Variants in RASSF5 observed in about 807,000 individuals in gnomAD.
RASSF5 encodes the protein ras association domain-containing protein 5.
A neutral mutation model predicts 40.5 loss-of-function variants in RASSF5; 25 were observed. The ratio of observed to expected loss-of-function variants is 0.62; its 90% confidence interval spans 0.45 to 0.86. RASSF5 has a LOEUF of 0.86. Among genes scored for constraint, RASSF5 ranks in the 40% least tolerant of loss-of-function variants. RASSF5 has a pLI of 0.00. For synonymous variants in RASSF5, 246 were observed against 252.4 expected, an observed-to-expected ratio of 0.97 and a Z score of 0.24; for missense variants, 521 against 572.8, an observed-to-expected ratio of 0.91 and a Z score of 0.92.
chr1:206,528,323 C>G (rs1412391993), intron 1 of RASSF5, among the ~76,000 whole-genome samples: 1 of 151,958 alleles, frequency 6.6e-6, no homozygotes, highest in Non-Finnish European at 1.5e-5. Context: ...GGCTACGTAT[C>G]TTATGATTCC....
Position 206,583,297 on chromosome 1 carries a change from A to G in RASSF5, c.608A>G (p.Gln203Arg), listed in dbSNP as rs1668968006. The G allele has an allele frequency of 1.9e-6, 3 of 1,613,590 alleles. No homozygotes were observed. In the East Asian group the frequency reaches 6.7e-5, roughly 36 times the overall value. Reference sequence around the variant, plus strand: ...GTCTGTAAACCTGTGGAGGAGACACAGCGCCCGCCCACACTGCAGGAGATC... The same window carrying G: ...GTCTGTAAACCTGTGGAGGAGACACGGCGCCCGCCCACACTGCAGGAGATC... ...QNVCKPVEET[Q>R]RPPTLQEIKQ... The change falls in exon 3 of 6, where the codon CAG becomes CGG. Residue 203 changes from glutamine (Q) to arginine (R), a missense_variant. By Grantham distance (43) the Gln-to-Arg change is conservative. Around this residue, in one of 2 missense-constraint regions of RASSF5, gnomAD observed 284 missense variants for 360.8 expected, o/e 0.79. Transcript: ENST00000579436.
chr1:206,549,862 G>A (rs1055668488), intron 2 of RASSF5, among the ~76,000 whole-genome samples: 1 of 152,072 alleles, frequency 6.6e-6, no homozygotes, highest in South Asian at 2.1e-4. Flanking sequence ...GGCAGACACT[G>A]TTACCTGTAA....
intron 2 of RASSF5, among the ~76,000 whole-genome samples, chr1:206,545,381 A>T (rs1161657094): frequency 1.5e-5 from 2 of 137,612 alleles, no homozygotes; most frequent in Non-Finnish European, 3.1e-5. Flanking sequence ...ACAGGGTCTC[A>T]CTCTTTTCAC....
intron 2 of RASSF5, among the ~76,000 whole-genome samples, chr1:206,568,148 G>A (rs1553403659): frequency 1.3e-5 from 2 of 152,180 alleles, no homozygotes. Flanking sequence ...GGCCATTTAG[G>A]GGACAGAGGA....
chr1:206,524,841 T>C (rs1218636434), intron 1 of RASSF5, among the ~76,000 whole-genome samples: 7 of 151,240 alleles, frequency 4.6e-5, no homozygotes, highest in African/African-American at 1.5e-4. Context: ...TACATTTGTT[T>C]ATAATACACA....
At chr1:206,551,462 G>A (rs1667838771) in intron 2 of RASSF5, among the ~76,000 whole-genome samples, 1 of 152,154 alleles carries the variant, frequency 6.6e-6, no homozygotes, top group Non-Finnish European at 1.5e-5. Flanking sequence ...ACAGACTCCT[G>A]CCACACTTTA....
chr1:206,548,752 C>A (rs1667761165), intron 2 of RASSF5, among the ~76,000 whole-genome samples: 1 of 152,134 alleles, frequency 6.6e-6, no homozygotes, highest in East Asian at 1.9e-4. Flanking sequence ...TATTTTCATA[C>A]CCCCCCACTC....
intron 3 of RASSF5, chr1:206,583,767 C>T (rs987606726): frequency 4.6e-6 from 1 of 215,080 alleles, no homozygotes; most frequent in East Asian, 1.3e-4. Context: ...GGGACATACT[C>T]TCTCAGAGAG....
chr1:206,562,309 A>G (rs536584429), intron 2 of RASSF5, among the ~76,000 whole-genome samples: 1 of 152,202 alleles, frequency 6.6e-6, no homozygotes, highest in South Asian at 2.1e-4. Flanking sequence ...GCCCCTCACC[A>G]CCTCGGCATG....
At chr1:206,528,406 G>A (rs1445416674) in intron 1 of RASSF5, among the ~76,000 whole-genome samples, 1 of 152,170 alleles carries the variant, frequency 6.6e-6, no homozygotes, top group Non-Finnish European at 1.5e-5. Context: ...GGGTTAGAGA[G>A]GAAGAAGGGA....
At chr1:206,521,533 T>A (rs1166596114) in intron 1 of RASSF5, among the ~76,000 whole-genome samples, 1 of 152,188 alleles carries the variant, frequency 6.6e-6, no homozygotes, top group Non-Finnish European at 1.5e-5. Flanking sequence ...TCATCTGCCA[T>A]CTTGCAGTTT....
At chr1:206,512,577 G>A (rs1666645922) in intron 1 of RASSF5, among the ~76,000 whole-genome samples, 1 of 152,162 alleles carries the variant, frequency 6.6e-6, no homozygotes, top group Non-Finnish European at 1.5e-5. Context: ...AGCACTGAGG[G>A]TTTGGTCTGA....
chr1:206,571,260 T>A (rs1668438862), intron 2 of RASSF5: 1 of 149,544 alleles, frequency 6.7e-6, no homozygotes, highest in East Asian at 2.0e-4. Flanking sequence ...TCTGTTCATG[T>A]CCATTGTCTA....
intron 5 of RASSF5, 68 bp downstream of exon 5, chr1:206,585,363 C>T (rs1669070826): frequency 8.9e-7 from 1 of 1,124,490 alleles, no homozygotes; most frequent in Admixed American, 1.7e-5. Flanking sequence ...TGGGTGTTGT[C>T]CTAACTACCT....
intron 2 of RASSF5, among the ~76,000 whole-genome samples, chr1:206,567,130 AC>A (rs34715244): frequency 6.6e-6 from 1 of 152,032 alleles, no homozygotes; most frequent in Non-Finnish European, 1.5e-5. Context: ...AGCCCCCACC[AC>A]CCCAGCTGTG....
chr1:206,528,665 G>A (rs182448969), intron 1 of RASSF5, among the ~76,000 whole-genome samples: 3 of 152,236 alleles, frequency 2.0e-5, no homozygotes, highest in African/African-American at 7.2e-5. Context: ...TGTAGGGGCA[G>A]GGGGTATAAA....
chr1:206,583,132 A>T (rs1299233438), intron 2 of RASSF5, 137 bp from the exon 3 acceptor site: 1 of 629,444 alleles, frequency 1.6e-6, no homozygotes, highest in African/African-American at 1.8e-5. Flanking sequence ...TCTCACTCCG[A>T]GTCCGTGCAG....
At chr1:206,575,500 G>A (rs940523532) in intron 2 of RASSF5, among the ~76,000 whole-genome samples, 1 of 152,260 alleles carries the variant, frequency 6.6e-6, no homozygotes, top group East Asian at 1.9e-4. Flanking sequence ...AGAGAAAAGT[G>A]GTGAGCAGTG....
intron 5 of RASSF5, 58 bp from the exon 6 acceptor site, chr1:206,586,768 A>G (rs535729520): frequency 7.1e-7 from 1 of 1,401,990 alleles, no homozygotes; most frequent in South Asian, 1.2e-5. Context: ...AGGTCGTGTC[A>G]ACTTCTAACC....
Sources: allele counts gnomAD v4.1 joint callset (sites outside exome capture counted in the v4.1 genomes callset), GRCh38; gene constraint gnomAD v4.1.1; regional missense constraint gnomAD v4.1.1; transcripts MANE v1.5; gene names NCBI Gene and HGNC (gene_info 2026-07-23, HGNC 2026-07-21).